SYN3: variants seen among roughly 807,000 people sequenced by gnomAD.
SYN3 encodes synapsin-3.
In SYN3, 35 loss-of-function variants were observed where a neutral mutation model predicts 65.8. That is an observed-to-expected ratio of 0.53 (90% CI 0.41 to 0.70). SYN3 has a LOEUF of 0.70. Among genes scored for constraint, SYN3 ranks in the 30% least tolerant of loss-of-function variants. The probability of loss-of-function intolerance (pLI) is 0.00; values close to 1 mark genes in which losing one functional copy is unlikely to be tolerated. For missense variants in SYN3, 680 were observed against 749.0 expected (o/e 0.91, Z 1.08); for synonymous variants, 270 against 292.9 (o/e 0.92, Z 0.80).
At chr22:32,615,442 A>AAAAAAAAC (rs2059504182) in intron 6 of SYN3, among the ~76,000 whole-genome samples, 1 of 150,368 alleles carries the variant, frequency 6.7e-6, no homozygotes, top group Admixed American at 6.6e-5. Context: ...TAAAAAAAAA[A>AAAAAAAAC]AAAAAAAAAG....
intron 7 of SYN3, among the ~76,000 whole-genome samples, chr22:32,576,777 C>A (rs1327095137): frequency 6.6e-6 from 1 of 151,960 alleles, no homozygotes; most frequent in African/African-American, 2.4e-5. Context: ...GCCGCAGTTT[C>A]TTCCTAATGG....
intron 3 of SYN3, among the ~76,000 whole-genome samples, chr22:32,949,030 T>G (rs1303053433): frequency 6.6e-6 from 1 of 152,166 alleles, no homozygotes; most frequent in Admixed American, 6.6e-5. Flanking sequence ...GCAGTATATA[T>G]ACTTACCAGT....
At chr22:32,946,874 G>A (rs962385206) in intron 3 of SYN3, among the ~76,000 whole-genome samples, 9 of 152,096 alleles carry the variant, frequency 5.9e-5, no homozygotes, top group African/African-American at 2.2e-4. Context: ...TAATTCTTTG[G>A]TCTCTAGATG....
chr22:32,999,770 G>A (rs1186044042), intron 2 of SYN3, among the ~76,000 whole-genome samples: 1 of 152,166 alleles, frequency 6.6e-6, no homozygotes, highest in African/African-American at 2.4e-5. Flanking sequence ...GGGCAGGGCA[G>A]GCATGCTTAT....
intron 7 of SYN3, among the ~76,000 whole-genome samples, chr22:32,585,773 G>A (rs900092461): frequency 2.0e-5 from 3 of 152,138 alleles, no homozygotes; most frequent in Middle Eastern, 3.4e-3. Flanking sequence ...CTCTGCTTAC[G>A]CCTAGAATCA....
intron 6 of SYN3, among the ~76,000 whole-genome samples, chr22:32,744,540 C>T (rs946699436): frequency 6.6e-6 from 1 of 152,170 alleles, no homozygotes; most frequent in Non-Finnish European, 1.5e-5. Flanking sequence ...ATCTTCAGAA[C>T]CCAATCCTCT....
rs538464537 is a variant in SYN3 at position 32,933,911 on chromosome 22, C to T, written c.370-2430G>A. Among the ~76,000 whole-genome samples the T allele has an allele frequency of 4.6e-5, 7 of 152,286 alleles. No individual in the cohort carries two copies. The South Asian group carries it at 1.2e-3, about 27-fold the overall frequency. On this transcript the variant is annotated intron_variant, in intron 3 of 13. Coordinates refer to ENST00000358763, the MANE Select transcript of SYN3 (RefSeq NM_003490.4). Reference sequence around the variant, plus strand: ...CAACTTAACTGTATCTCCTTGGAGTCATTTAACAGGAATTATGACCAAAGA... The same window carrying T: ...CAACTTAACTGTATCTCCTTGGAGTTATTTAACAGGAATTATGACCAAAGA...
chr22:32,807,307 A>AT (rs2046767883), intron 6 of SYN3, among the ~76,000 whole-genome samples: 2 of 119,768 alleles, frequency 1.7e-5, no homozygotes, highest in South Asian at 2.3e-4. Context: ...TATATATATA[A>AT]ATATATAATA....
intron 6 of SYN3, among the ~76,000 whole-genome samples, chr22:32,792,288 C>T (rs902379732): frequency 1.3e-5 from 2 of 152,298 alleles, no homozygotes; most frequent in African/African-American, 2.4e-5. Flanking sequence ...TGGTTCCTAA[C>T]CTCCCTGTTG....
At chr22:33,055,165 C>T (rs9621624) in intron 1 of SYN3, among the ~76,000 whole-genome samples, 41,691 of 152,140 alleles carry the variant, frequency 0.27, 6,380 homozygotes, top group South Asian at 0.37. Context: ...TCAAGGAGTT[C>T]TCCTCCCAGA....
chr22:32,998,790 A>AC (rs1474561594), intron 2 of SYN3, among the ~76,000 whole-genome samples: 2 of 142,238 alleles, frequency 1.4e-5, no homozygotes, highest in East Asian at 2.0e-4. Context: ...AAAAAAAAAA[A>AC]AAAAAAAAAC....
chr22:32,888,638 T>G (rs1451422781), intron 4 of SYN3, among the ~76,000 whole-genome samples: 1 of 152,172 alleles, frequency 6.6e-6, no homozygotes, highest in Non-Finnish European at 1.5e-5. Flanking sequence ...GAAGCAGGAA[T>G]GCAAGACGCC....
intron 2 of SYN3, among the ~76,000 whole-genome samples, chr22:32,988,884 A>G (rs2052613767): frequency 6.6e-6 from 1 of 152,096 alleles, no homozygotes; most frequent in South Asian, 2.1e-4. Context: ...TTAATGTACA[A>G]CAGGCACAGA....
intron 1 of SYN3, among the ~76,000 whole-genome samples, chr22:33,029,898 C>T (rs2053718694): frequency 6.6e-6 from 1 of 152,202 alleles, no homozygotes; most frequent in Non-Finnish European, 1.5e-5. Context: ...CTCCATTCCC[C>T]ACGCCCTGAC....
At chr22:32,618,075 C>G (rs900396441) in intron 6 of SYN3, among the ~76,000 whole-genome samples, 2 of 152,088 alleles carry the variant, frequency 1.3e-5, no homozygotes, top group Non-Finnish European at 2.9e-5. Flanking sequence ...ATCCCCGGAG[C>G]CTGGCATGAC....
chr22:33,006,841 A>G lies in SYN3; in HGVS notation c.-162-17T>C. 3.5e-6 allele frequency: 2 copies of G among 570,256 alleles called. No homozygotes were observed. Among genetic ancestry groups the G allele is most frequent in the Non-Finnish European group, 6.0e-6 (2 of 330,608 alleles). 35.3% of individuals were successfully genotyped at this position (570,256 alleles called of 1,614,324 possible). On this transcript the variant is annotated splice_polypyrimidine_tract_variant and intron_variant, in intron 1 of 13. Coordinates refer to ENST00000358763, the MANE Select transcript of SYN3 (RefSeq NM_003490.4). ...ATTTACCTGCTGGAAATAAGCCAACAAATACATAAGTGGAAACGACCTCCA... is the reference window on the plus strand; with the variant it reads ...ATTTACCTGCTGGAAATAAGCCAACGAATACATAAGTGGAAACGACCTCCA...
At chr22:32,891,205 G>T (rs1249273569) in intron 4 of SYN3, among the ~76,000 whole-genome samples, 1 of 152,176 alleles carries the variant, frequency 6.6e-6, no homozygotes, top group East Asian at 1.9e-4. Context: ...CTCTTGAATT[G>T]ACACGTTGGC....
rs149264969 is a variant in SYN3, at chr22:32,972,825, A to C, written c.369+7820T>G. Among the ~76,000 whole-genome samples, 3 of 151,782 alleles carry C rather than the reference A, an allele frequency of 2.0e-5. No individual in the cohort carries two copies. In the East Asian group the frequency reaches 5.8e-4, roughly 29 times the overall value. On this transcript the variant is annotated intron_variant, in intron 3 of 13. Transcript: ENST00000358763. ...CTAGGCAACATCGCGATGCCTTATC[A>C]CTACAAAAACTAAACAAAGAAGAAA...
At chr22:32,839,654 A>C (rs182324206) in intron 6 of SYN3, among the ~76,000 whole-genome samples, 5 of 152,270 alleles carry the variant, frequency 3.3e-5, no homozygotes, top group Middle Eastern at 6.8e-3. Flanking sequence ...GACTTTAAGC[A>C]GTTAGATTAA....
Sources: allele counts gnomAD v4.1 joint callset (sites outside exome capture counted in the v4.1 genomes callset), GRCh38; gene constraint gnomAD v4.1.1; transcripts MANE v1.5; gene names NCBI Gene and HGNC (gene_info 2026-07-23, HGNC 2026-07-21).